The following RADIL variants were observed in gnomAD, a reference collection of about 807,000 sequenced individuals.
RADIL encodes the protein Rap associating with DIL domain, also known as ras-associating and dilute domain-containing protein.
A neutral mutation model predicts 97.6 loss-of-function variants in RADIL; 99 were observed. That is an observed-to-expected ratio of 1.01 (90% CI 0.86 to 1.20). RADIL has a LOEUF of 1.20. Ranked by LOEUF, RADIL falls within the 50% of genes most tolerant of loss-of-function variation. The pLI, the probability that RADIL is intolerant of heterozygous loss-of-function variation, is 0.00. For missense variants in RADIL, 1,765 were observed against 1,498.9 expected (o/e 1.18, Z -2.93); for synonymous variants, 803 against 691.8 (o/e 1.16, Z -2.52).
At chr7:4,882,703 G>A (rs1784510835) in intron 1 of RADIL, among the ~76,000 whole-genome samples, 1 of 152,146 alleles carries the variant, frequency 6.6e-6, no homozygotes, top group Non-Finnish European at 1.5e-5. Flanking sequence ...CCCGAGCCAC[G>A]CTTTCAAATG....
chr7:4,859,315 A>T (rs1783912951), intron 2 of RADIL: 1 of 152,914 alleles, frequency 6.5e-6, no homozygotes, highest in African/African-American at 2.4e-5. Flanking sequence ...AGTATAAGGA[A>T]TTCTGATACC....
At chr7:4,859,189 G>C (rs1423512343) in intron 2 of RADIL, 1 of 152,462 alleles carries the variant, frequency 6.6e-6, no homozygotes, top group East Asian at 1.9e-4. Flanking sequence ...CTGCACAATG[G>C]TATCCAATTT....
At chr7:4,851,941 G>A (rs1353851241) in intron 2 of RADIL, among the ~76,000 whole-genome samples, 1 of 152,208 alleles carries the variant, frequency 6.6e-6, no homozygotes, top group Non-Finnish European at 1.5e-5. Flanking sequence ...AAATGACTCA[G>A]TAGAGTCAGG....
chr7:4,833,574 A>T (rs73314502), intron 4 of RADIL, among the ~76,000 whole-genome samples: 21,655 of 152,234 alleles, frequency 0.14, 4,122 homozygotes, highest in African/African-American at 0.44. Flanking sequence ...GGGAAGCCTG[A>T]GCTGGCTTTT....
At chr7:4,800,712 C>T (rs181270466) in intron 12 of RADIL, among the ~76,000 whole-genome samples, 1 of 152,180 alleles carries the variant, frequency 6.6e-6, no homozygotes, top group Non-Finnish European at 1.5e-5. Context: ...AGACCGGGGC[C>T]CCAGGCCCTA....
rs867157092 is a variant in RADIL, at chr7:4,822,230, C to T, written c.1615+164G>A. ...TGCCACCAGCACCAGCCTCACAGGC[C>T]GTCCCCGAGCAACTGACACATGGCA... is the stretch of plus-strand genomic sequence containing the variant. On this transcript the variant is annotated intron_variant, in intron 6 of 14. Coordinates refer to ENST00000399583, the MANE Select transcript of RADIL (RefSeq NM_018059.5). This position sits in a 1 kb window ranked among gnomAD's most constrained non-coding sequence, Gnocchi z 5.3. Among the ~76,000 whole-genome samples the T allele has an allele frequency of 2.0e-5, 3 of 152,160 alleles. No homozygotes were observed. Among genetic ancestry groups the T allele is most frequent in the African/African-American group, 7.2e-5 (3 of 41,448 alleles).
In RADIL at chr7:4,867,662, G is replaced by A. The variant is rs772591568; in HGVS notation, c.535+9943C>T. On this transcript the variant is annotated intron_variant, in intron 2 of 14. Coordinates refer to ENST00000399583, the MANE Select transcript of RADIL (RefSeq NM_018059.5). This position sits in a 1 kb window ranked among gnomAD's most constrained non-coding sequence, Gnocchi z 4.1. Reference sequence around the variant, plus strand: ...TAAATAAATAAATAAATAATGTAATGTGAGTTACAAAAGGAACAATGAGCT... The same window carrying A: ...TAAATAAATAAATAAATAATGTAATATGAGTTACAAAAGGAACAATGAGCT... Among the ~76,000 whole-genome samples, 4 of 150,622 alleles carry A rather than the reference G, an allele frequency of 2.7e-5. No individual in the cohort carries two copies. The highest frequency in any genetic ancestry group is 6.6e-5 in the Admixed American group (1 of 15,234).
At chr7:4,825,133 C>T (rs1395079657) in intron 5 of RADIL, among the ~76,000 whole-genome samples, 3 of 150,114 alleles carry the variant, frequency 2.0e-5, no homozygotes, top group African/African-American at 7.4e-5. Flanking sequence ...GAAGGGCACT[C>T]GGGGGGGGAC....
chr7:4,806,082 G>A (rs531192858), intron 9 of RADIL: 64 of 983,236 alleles, frequency 6.5e-5, no homozygotes, highest in South Asian at 2.8e-4. Flanking sequence ...CAATCAAGTC[G>A]GCTAAAAACC....
intron 9 of RADIL, among the ~76,000 whole-genome samples, chr7:4,810,683 C>A (rs1199020326): frequency 6.6e-6 from 1 of 152,248 alleles, no homozygotes; most frequent in Non-Finnish European, 1.5e-5. Flanking sequence ...GGAGCACATG[C>A]ACTCGGTCAG....
rs1782923899 is a variant in RADIL at position 4,824,547 on chromosome 7, C to T, written c.1455-1993G>A. On this transcript the variant is annotated intron_variant, in intron 5 of 14. Transcript: ENST00000399583. This position sits in a 1 kb window ranked among gnomAD's most constrained non-coding sequence, Gnocchi z 6.7. ...GCTGCGTCCCAGATTCTCCCCGGTA[C>T]CCAAAGTGTTGCCTGCTCTCTCTGA... 6.6e-6 allele frequency among the ~76,000 whole-genome samples: 1 copy of T among 151,872 alleles called. No homozygotes were observed. Among genetic ancestry groups the T allele is most frequent in the South Asian group, 2.1e-4 (1 of 4,824 alleles).
rs1782628878 is a variant in RADIL at position 4,814,589 on chromosome 7, G to A, written c.2139+689C>T. The stretch of plus-strand genomic sequence containing the variant: ...GGGAGGGGGGTGGTGAGCAGCGAGG[G>A]AAGCAGGGAGGGGCATGTCGGTTTC... On this transcript the variant is annotated intron_variant, in intron 9 of 14. Coordinates refer to ENST00000399583, the MANE Select transcript of RADIL (RefSeq NM_018059.5). The surrounding 1 kb of genome is among the most constrained non-coding windows in gnomAD (Gnocchi z 4.5). Among the ~76,000 whole-genome samples, 1 of 152,202 alleles carries A rather than the reference G, an allele frequency of 6.6e-6. No individual in the cohort carries two copies. Among genetic ancestry groups the A allele is most frequent in the South Asian group, 2.1e-4 (1 of 4,830 alleles).
chr7:4,877,488 C>G (rs1784399128), intron 2 of RADIL, 117 bp downstream of exon 2: 1 of 1,159,174 alleles, frequency 8.6e-7, no homozygotes. Context: ...CCGACTGCCT[C>G]CTGCAGAGCG....
chr7:4,800,090 G>T lies in RADIL; in HGVS notation c.2982+81C>A. The T allele has an allele frequency of 2.1e-6, 3 of 1,458,886 alleles. No homozygotes were observed. The South Asian group carries it at 4.0e-5, about 19-fold the overall frequency. The allele number at this position is 1,458,886 out of a possible 1,614,324, so 90.4% of individuals were successfully genotyped here. On this transcript the variant is annotated intron_variant, in intron 13 of 14. Coordinates refer to ENST00000399583, the MANE Select transcript of RADIL (RefSeq NM_018059.5). ...GGCCTTCCTGTAGCCACGTGGCCACGCAAGCTGCGGCCAGGCTTGCATGAA... is the reference window on the plus strand; with the variant it reads ...GGCCTTCCTGTAGCCACGTGGCCACTCAAGCTGCGGCCAGGCTTGCATGAA...
chr7:4,831,251 C>G (rs1198709048), intron 5 of RADIL, among the ~76,000 whole-genome samples: 1 of 150,436 alleles, frequency 6.6e-6, no homozygotes, highest in Non-Finnish European at 1.5e-5. Flanking sequence ...ATGGATGGAG[C>G]TAGAGGCTAT....
chr7:4,859,760 G>T, intron 2 of RADIL: 2 of 622,006 alleles, frequency 3.2e-6, no homozygotes, highest in South Asian at 4.0e-5. Flanking sequence ...GATGTTCCCT[G>T]AGAGGCCAAT....
rs1053242949 is a variant in RADIL at position 4,815,430 on chromosome 7, G to A, written c.1987C>T (p.His663Tyr). ...CAGGCCTGGACACCTCTGGGCCAGT[G>A]GAAGCAGCTCAGGGAGGGGCCTGTG... ...LDRGPSLSCF[H>Y]WPRGVQACAR... is the part of the protein sequence containing the mutation. Residue 663 changes from histidine (H) to tyrosine (Y), a missense_variant, in exon 9 of 15, where the codon CAC becomes TAC. Coordinates refer to ENST00000399583, the MANE Select transcript of RADIL (RefSeq NM_018059.5). This position sits in a 1 kb window ranked among gnomAD's most constrained non-coding sequence, Gnocchi z 8.0. 3 of 1,540,054 alleles carry A rather than the reference G, an allele frequency of 1.9e-6. No homozygotes were observed. Among genetic ancestry groups the A allele is most frequent in the African/African-American group, 2.7e-5 (2 of 73,622 alleles).
At position 4,801,880 on chromosome 7, in the gene RADIL, C is replaced by A; in HGVS notation, c.2615G>T (p.Arg872Met). The A allele has an allele frequency of 6.3e-7, 1 of 1,589,510 alleles. No homozygotes were observed. The highest frequency in any genetic ancestry group is 1.3e-5 in the African/African-American group (1 of 74,562). The change falls in exon 12 of 15, where the codon AGG becomes ATG. Residue 872 changes from arginine (R) to methionine (M), a missense_variant. By Grantham distance (91) the Arg-to-Met change is moderately conservative. Coordinates refer to ENST00000399583, the MANE Select transcript of RADIL (RefSeq NM_018059.5). ...EVAPERTLPL[R>M]GAPWAQAPPG... Reference sequence around the variant, plus strand: ...GGGGGCCTGTGCCCAGGGAGCCCCCCTCAAGGGAAGAGTACGCTCCGGGGC... The same window carrying A: ...GGGGGCCTGTGCCCAGGGAGCCCCCATCAAGGGAAGAGTACGCTCCGGGGC...
chr7:4,853,742 C>CA (rs34610093), intron 2 of RADIL, among the ~76,000 whole-genome samples: 6,536 of 100,938 alleles, frequency 0.065, 430 homozygotes, highest in African/African-American at 0.15. Flanking sequence ...AACTCTGTCT[C>CA]AAAAAAAAAA....
Sources: gnomAD v4.1 joint callset for allele counts (sites outside exome capture counted in the v4.1 genomes callset) on GRCh38, gnomAD v4.1.1 for gene constraint, Gnocchi (gnomAD v3.1) non-coding constraint, MANE v1.5 for transcripts, NCBI Gene and HGNC (gene_info 2026-07-23, HGNC 2026-07-21) for gene names.